COL14A1: variants seen among roughly 807,000 people sequenced by gnomAD.
COL14A1 encodes the protein collagen alpha-1(XIV) chain.
COL14A1 carries 136 observed loss-of-function variants against 230.3 expected under a neutral mutation model. That is an observed-to-expected ratio of 0.59 (90% confidence interval 0.51 to 0.68). The LOEUF (loss-of-function observed/expected upper bound fraction) is 0.68, where lower values mean the gene tolerates loss of function less well. Ranked by LOEUF, COL14A1 falls within the 30% of genes least tolerant of loss-of-function variation. The probability of loss-of-function intolerance (pLI) is 0.00; values close to 1 mark genes in which losing one functional copy is unlikely to be tolerated. For synonymous variants in COL14A1, 792 were observed against 784.1 expected (o/e 1.01, Z -0.17); for missense variants, 1,976 against 2,215.8 (o/e 0.89, Z 2.17).
chr8:120,174,181 T>C (rs1186549558), intron 5 of COL14A1, among the ~76,000 whole-genome samples: 7 of 152,208 alleles, frequency 4.6e-5, no homozygotes, highest in African/African-American at 1.7e-4. Flanking sequence ...TTATCCTTTG[T>C]ATGTTTTCTT....
intron 40 of COL14A1, among the ~76,000 whole-genome samples, chr8:120,322,882 TA>T (rs1263605136): frequency 6.6e-6 from 1 of 152,236 alleles, no homozygotes; most frequent in African/African-American, 2.4e-5. Context: ...TGTGTCTTTA[TA>T]ATAGAACAGT....
chr8:120,318,947 AT>A (rs1821334648), intron 40 of COL14A1, among the ~76,000 whole-genome samples: 1 of 152,010 alleles, frequency 6.6e-6, no homozygotes, highest in East Asian at 1.9e-4. Context: ...CTGTGCCTTT[AT>A]TTCCCCTGTC....
intron 21 of COL14A1, among the ~76,000 whole-genome samples, chr8:120,248,659 C>A (rs1161662490): frequency 6.6e-6 from 1 of 152,076 alleles, no homozygotes; most frequent in African/African-American, 2.4e-5. Flanking sequence ...GAGTTTGAGA[C>A]CAGCCTGGGC....
chr8:120,319,372 G>T (rs1336279664), intron 40 of COL14A1, among the ~76,000 whole-genome samples: 6 of 151,886 alleles, frequency 4.0e-5, no homozygotes, highest in Admixed American at 2.0e-4. Flanking sequence ...TGGGGGTCTT[G>T]CTGTGTTGCC....
At chr8:120,261,895 A>G (rs1231111654) in intron 23 of COL14A1, among the ~76,000 whole-genome samples, 5 of 152,150 alleles carry the variant, frequency 3.3e-5, no homozygotes, top group South Asian at 4.1e-4. Context: ...CACTGGTATC[A>G]GTTAAAAGTC....
intron 7 of COL14A1, 93 bp downstream of exon 7, chr8:120,198,023 G>A: frequency 7.8e-7 from 1 of 1,281,362 alleles, no homozygotes. Context: ...TTATCATAAT[G>A]TTTTAATTAA....
At chr8:120,254,908 C>T (rs1819094170) in intron 22 of COL14A1, among the ~76,000 whole-genome samples, 1 of 151,636 alleles carries the variant, frequency 6.6e-6, no homozygotes, top group Admixed American at 6.6e-5. Flanking sequence ...GGGAGGATTG[C>T]TGGAGCCCAG....
In COL14A1 at chr8:120,315,959, G is replaced by C; in HGVS notation, c.4621G>C (p.Val1541Leu). 6.2e-7 allele frequency: 1 copy of C among 1,613,928 alleles called. No individual in the cohort carries two copies. The highest frequency in any genetic ancestry group is 8.5e-7 in the Non-Finnish European group (1 of 1,179,960). ...LPGPQGIPGG[V>L]GSPGRDGSPG... is the part of the protein sequence containing the mutation. ...TTCTACACAGGGTATCCCAGGAGGC[G>C]TTGGTTCACCAGGACGTGATGGCTC... Residue 1541 changes from valine to leucine, a missense_variant, in exon 40 of 48, where the codon GTT becomes CTT. Around this residue, in one of 3 missense-constraint regions of COL14A1, gnomAD observed 1,791 missense variants for 2,019.5 expected, o/e 0.89. Coordinates refer to ENST00000297848, the MANE Select transcript of COL14A1 (RefSeq NM_021110.4).
At chr8:120,272,129 G>A (rs1819686474) in intron 26 of COL14A1, among the ~76,000 whole-genome samples, 1 of 151,656 alleles carries the variant, frequency 6.6e-6, no homozygotes, top group African/African-American at 2.4e-5. Flanking sequence ...GGAGAGATTA[G>A]GGTCCTATTT....
chr8:120,305,724 A>G (rs928220539), intron 36 of COL14A1, among the ~76,000 whole-genome samples: 1 of 151,894 alleles, frequency 6.6e-6, no homozygotes, highest in African/African-American at 2.4e-5. Flanking sequence ...TTTGTGTTAC[A>G]TATATATTTT....
At chr8:120,278,621 A>T in intron 28 of COL14A1, 43 bp downstream of exon 28, 1 of 1,570,212 alleles carries the variant, frequency 6.4e-7, no homozygotes, top group African/African-American at 1.4e-5. Flanking sequence ...ATGATGTTAG[A>T]ATTGTTATTT....
At chr8:120,275,442 T>G (rs1214181755) in intron 26 of COL14A1, among the ~76,000 whole-genome samples, 1 of 151,976 alleles carries the variant, frequency 6.6e-6, no homozygotes, top group Non-Finnish European at 1.5e-5. Flanking sequence ...AAGGAATTTA[T>G]GACTAAGACT....
intron 40 of COL14A1, among the ~76,000 whole-genome samples, chr8:120,328,871 C>T (rs574931455): frequency 2.0e-5 from 3 of 152,244 alleles, no homozygotes; most frequent in Non-Finnish European, 4.4e-5. Flanking sequence ...GAATGTTTCC[C>T]CTCTGGACAC....
chr8:120,126,989 C>T (rs1294827929), intron 1 of COL14A1, among the ~76,000 whole-genome samples: 1 of 152,096 alleles, frequency 6.6e-6, no homozygotes, highest in Non-Finnish European at 1.5e-5. Flanking sequence ...GTGTACAATT[C>T]AATGATTTTT....
At chr8:120,187,247 AT>A (rs1816679883) in intron 5 of COL14A1, among the ~76,000 whole-genome samples, 2 of 152,216 alleles carry the variant, frequency 1.3e-5, no homozygotes, top group Admixed American at 1.3e-4. Context: ...TAAAAGGAAG[AT>A]TTTTAATTTG....
At chr8:120,289,451 T>G (rs1248333757) in intron 33 of COL14A1, among the ~76,000 whole-genome samples, 157 bp from the exon 34 acceptor site, 2 of 152,196 alleles carry the variant, frequency 1.3e-5, no homozygotes, top group South Asian at 4.1e-4. Flanking sequence ...ATCATGGAGA[T>G]GATAAAAGTA....
intron 18 of COL14A1, 91 bp downstream of exon 18, chr8:120,228,860 A>G (rs1818172400): frequency 1.8e-6 from 2 of 1,115,294 alleles, no homozygotes; most frequent in Admixed American, 3.7e-5. Flanking sequence ...ATTAACTAGG[A>G]AAAGAGATGA....
At position 120,316,003 on chromosome 8, in the gene COL14A1, G is replaced by T; in HGVS notation, c.4659+6G>T. 6.2e-7 allele frequency: 1 copy of T among 1,613,990 alleles called. No homozygotes were observed. Among genetic ancestry groups the T allele is most frequent in the Non-Finnish European group, 8.5e-7 (1 of 1,179,932 alleles). The stretch of plus-strand genomic sequence containing the variant: ...ATGGCTCACCAGGCCAGAGGGTAAG[G>T]TCTTGCCCAAGGTTGGTTTTTAGCA... On this transcript the variant is annotated splice_donor_region_variant and intron_variant, in intron 40 of 47. Coordinates refer to ENST00000297848, the MANE Select transcript of COL14A1 (RefSeq NM_021110.4).
rs551447157 is a variant in COL14A1, at chr8:120,322,228, T to C, written c.4659+6231T>C. On this transcript the variant is annotated intron_variant, in intron 40 of 47. Transcript: ENST00000297848. ...ACACACACTGGGGCCTGTTGGGGGG[T>C]GGGGTTGGGGAAGGAGAGCATTAGG... Among the ~76,000 whole-genome samples, 9 of 122,874 alleles carry C rather than the reference T, an allele frequency of 7.3e-5. No homozygotes were observed. In the South Asian group the frequency reaches 2.1e-3, roughly 28 times the overall value. The allele number at this position is 122,874 out of a possible 152,430, so 80.6% of individuals were successfully genotyped here. A position where few individuals can be genotyped will look rare whatever the true frequency, so the allele number is the denominator to read the frequency against.
Sources: allele counts gnomAD v4.1 joint callset (sites outside exome capture counted in the v4.1 genomes callset), GRCh38; gene constraint gnomAD v4.1.1; regional missense constraint gnomAD v4.1.1; transcripts MANE v1.5; gene names NCBI Gene and HGNC (gene_info 2026-07-23, HGNC 2026-07-21).